The following KCNB2 variants were observed in gnomAD, a reference collection of about 807,000 sequenced individuals.
The protein encoded by KCNB2 is potassium voltage-gated channel subfamily B member 2.
KCNB2 carries 15 observed loss-of-function variants against 61.5 expected under a neutral mutation model. The ratio of observed to expected loss-of-function variants is 0.24; its 90% CI spans 0.16 to 0.38. The LOEUF (loss-of-function observed/expected upper bound fraction) is 0.38. Among genes scored for constraint, KCNB2 ranks in the 10% least tolerant of loss-of-function variants. The pLI, the probability that KCNB2 is intolerant of heterozygous loss-of-function variation, is 1.00. For synonymous variants in KCNB2, 457 were observed against 446.0 expected (o/e 1.02, Z -0.31); for missense variants, 828 against 1,125.2 (o/e 0.74, Z 3.78).
At chr8:72,913,236 G>C (rs187788907) in intron 2 of KCNB2, among the ~76,000 whole-genome samples, 1 of 152,080 alleles carries the variant, frequency 6.6e-6, no homozygotes, top group African/African-American at 2.4e-5. Flanking sequence ...GAGCATGATC[G>C]AACAGAGACA....
intron 2 of KCNB2, among the ~76,000 whole-genome samples, chr8:72,840,432 G>A (rs766143161): frequency 3.3e-5 from 5 of 152,184 alleles, no homozygotes; most frequent in African/African-American, 7.2e-5. Flanking sequence ...ACCCAGCAAT[G>A]GGATTGCTGG....
At chr8:72,696,698 A>G (rs1322918635) in intron 2 of KCNB2, among the ~76,000 whole-genome samples, 2 of 152,178 alleles carry the variant, frequency 1.3e-5, no homozygotes, top group African/African-American at 4.8e-5. Context: ...ATTCTGCTGT[A>G]TTATCTAAGA....
At chr8:72,923,031 T>C (rs1481739334) in intron 2 of KCNB2, among the ~76,000 whole-genome samples, 1 of 94,632 alleles carries the variant, frequency 1.1e-5, no homozygotes, top group Non-Finnish European at 2.2e-5. Context: ...GGTTGGGGGG[T>C]GGGGGGAGCT....
chr8:72,899,626 A>G (rs1343136571), intron 2 of KCNB2, among the ~76,000 whole-genome samples: 1 of 151,954 alleles, frequency 6.6e-6, no homozygotes, highest in Non-Finnish European at 1.5e-5. Context: ...TCCCATTTAC[A>G]ATAGCCACAA....
At chr8:72,856,717 T>C (rs1446731240) in intron 2 of KCNB2, among the ~76,000 whole-genome samples, 1 of 152,194 alleles carries the variant, frequency 6.6e-6, no homozygotes, top group Admixed American at 6.5e-5. Context: ...TTTGAGGTAG[T>C]TGGATGCAGT....
At chr8:72,895,679 G>C (rs1420922970) in intron 2 of KCNB2, among the ~76,000 whole-genome samples, 1 of 152,116 alleles carries the variant, frequency 6.6e-6, no homozygotes, top group Non-Finnish European at 1.5e-5. Flanking sequence ...GATGAGAGAC[G>C]AACATAAAGT....
chr8:72,901,432 A>T lies in KCNB2; in HGVS notation c.580-34503A>T, dbSNP rs79185860. ...ATTCCTTTTGAAAATATAAAAAAGA[A>T]TGTATATAGATTCATATTTTTACCA... On this transcript the variant is annotated intron_variant, in intron 2 of 2. Transcript: ENST00000523207. 2.4e-3 allele frequency among the ~76,000 whole-genome samples: 371 copies of T among 152,342 alleles called. 13 individuals are homozygous for T. Among genetic ancestry groups the T allele is most frequent in the Admixed American group, 0.017 (263 of 15,304 alleles).
intron 2 of KCNB2, among the ~76,000 whole-genome samples, chr8:72,651,669 A>G (rs1749638000): frequency 6.6e-6 from 1 of 152,034 alleles, no homozygotes; most frequent in East Asian, 1.9e-4. Context: ...CACTTTTTGA[A>G]AAATGCTCCT....
intron 2 of KCNB2, among the ~76,000 whole-genome samples, chr8:72,675,157 GGTA>G (rs969932248): frequency 6.6e-6 from 1 of 151,584 alleles, no homozygotes; most frequent in Admixed American, 6.6e-5. Flanking sequence ...CACAAAGCAA[GGTA>G]GTATATCTAG....
chr8:72,822,942 T>A (rs1358586459), intron 2 of KCNB2, among the ~76,000 whole-genome samples: 1 of 152,058 alleles, frequency 6.6e-6, no homozygotes, highest in Non-Finnish European at 1.5e-5. Flanking sequence ...ATGATCTCTC[T>A]CTCACTGTGA....
chr8:72,579,369 G>T (rs886532906), intron 2 of KCNB2, among the ~76,000 whole-genome samples: 1 of 152,118 alleles, frequency 6.6e-6, no homozygotes, highest in Non-Finnish European at 1.5e-5. Context: ...GTAAGAGTCC[G>T]AATTGAAGAA....
At chr8:72,620,521 C>T (rs1448214227) in intron 2 of KCNB2, among the ~76,000 whole-genome samples, 1 of 152,190 alleles carries the variant, frequency 6.6e-6, no homozygotes, top group Non-Finnish European at 1.5e-5. Context: ...TGTGATAAAG[C>T]CCACTGTCCC....
intron 2 of KCNB2, among the ~76,000 whole-genome samples, chr8:72,895,150 T>C (rs901708344): frequency 4.6e-5 from 7 of 152,176 alleles, no homozygotes; most frequent in African/African-American, 1.7e-4. Flanking sequence ...AAGATGTCCA[T>C]ATCCTAATTC....
At chr8:72,871,764 A>T (rs941627843) in intron 2 of KCNB2, among the ~76,000 whole-genome samples, 2 of 152,240 alleles carry the variant, frequency 1.3e-5, no homozygotes, top group African/African-American at 4.8e-5. Flanking sequence ...TATGATTTAA[A>T]TGGATAAATT....
intron 2 of KCNB2, among the ~76,000 whole-genome samples, chr8:72,774,870 C>T (rs1585885950): frequency 1.3e-5 from 2 of 151,922 alleles, no homozygotes. Flanking sequence ...ATTCTTTATC[C>T]GTGTAGCTCA....
chr8:72,744,328 C>T (rs1349137587), intron 2 of KCNB2, among the ~76,000 whole-genome samples: 1 of 152,048 alleles, frequency 6.6e-6, no homozygotes, highest in Non-Finnish European at 1.5e-5. Context: ...AGCCTCATAC[C>T]ACCTACCACA....
chr8:72,731,901 C>T (rs1213289495), intron 2 of KCNB2: 1 of 152,102 alleles, frequency 6.6e-6, no homozygotes, highest in Non-Finnish European at 1.5e-5. Flanking sequence ...CTTTGGTTTC[C>T]TAGGAACCAG....
At chr8:72,930,118 A>T (rs1484483092) in intron 2 of KCNB2, among the ~76,000 whole-genome samples, 1 of 151,978 alleles carries the variant, frequency 6.6e-6, no homozygotes, top group Non-Finnish European at 1.5e-5. Context: ...GTCCCTACAA[A>T]GGACATGAAC....
chr8:72,842,016 G>T (rs1809898809), intron 2 of KCNB2, among the ~76,000 whole-genome samples: 1 of 152,198 alleles, frequency 6.6e-6, no homozygotes, highest in African/African-American at 2.4e-5. Context: ...GTTTTCAAAG[G>T]GAACGCGCCT....
Sources: allele counts gnomAD v4.1 joint callset (sites outside exome capture counted in the v4.1 genomes callset), GRCh38; gene constraint gnomAD v4.1.1; transcripts MANE v1.5; gene names NCBI Gene and HGNC (gene_info 2026-07-23, HGNC 2026-07-21).